The following NCL variants were observed in gnomAD, a reference collection of about 807,000 sequenced individuals.
NCL encodes the protein nucleolin multifunctional protein.
Under a neutral mutation model 77.7 loss-of-function variants are expected in NCL, and 4 were observed. The observed-to-expected ratio is 0.05, with a 90% CI of 0.03 to 0.12. NCL has a LOEUF of 0.12. Ranked by LOEUF, NCL falls within the 10% of genes least tolerant of loss-of-function variation. The pLI, the probability that NCL is intolerant of heterozygous loss-of-function variation, is 1.00. For missense variants in NCL, 763 were observed against 860.9 expected (o/e 0.89, Z 1.42); for synonymous variants, 344 against 297.8 (o/e 1.16, Z -1.60).
Position 231,458,984 on chromosome 2 carries a change from C to T in NCL, c.1165+17G>A, listed in dbSNP as rs376432300. The T allele has an allele frequency of 4.5e-6, 7 of 1,561,402 alleles. No homozygotes were observed. Among genetic ancestry groups the T allele is most frequent in the Admixed American group, 2.1e-5 (1 of 48,674 alleles). On this transcript the variant is annotated intron_variant, in intron 7 of 13. Transcript: ENST00000322723. ...AGCTCCTGAGTTCATTGCATAATCT[C>T]ATAAAGCCTTACATACCTTTCTTAC...
chr2:231,460,005 T>C, intron 6 of NCL, 147 bp downstream of exon 6: 1 of 940,446 alleles, frequency 1.1e-6, no homozygotes. Context: ...ATCTACAGTT[T>C]AATTCTAACT....
chr2:231,455,922 G>C, intron 12 of NCL, 88 bp downstream of exon 12: 1 of 1,592,094 alleles, frequency 6.3e-7, no homozygotes, highest in Non-Finnish European at 8.6e-7. Flanking sequence ...ACAGAAAGGA[G>C]CTCAATGAGA....
intron 7 of NCL, chr2:231,458,799 G>A (rs939857613): frequency 1.9e-6 from 1 of 532,514 alleles, no homozygotes; most frequent in Non-Finnish European, 3.0e-6. Flanking sequence ...CCTAACTCAG[G>A]AATTTACACT....
chr2:231,458,477 CTCTAT>C, intron 7 of NCL, 88 bp from the exon 8 acceptor site: 5 of 1,447,150 alleles, frequency 3.5e-6, no homozygotes, highest in Non-Finnish European at 4.7e-6. Flanking sequence ...ACACACATAG[CTCTAT>C]TCAACAAATA....
intron 1 of NCL, 65 bp from the exon 2 acceptor site, chr2:231,463,381 C>T (rs1184118202): frequency 2.0e-6 from 2 of 1,016,174 alleles, no homozygotes; most frequent in South Asian, 1.3e-5. Flanking sequence ...CATATTTTGC[C>T]ATTAGTGTTC....
Position 231,461,286 on chromosome 2 carries a change from TA to T in NCL, c.613+253del, listed in dbSNP as rs34075637. ...GCAAAAGCTCCATCTCAAAAAAATT[TA>T]AAAAAAAAAAAAATCACTTAGAAAC... On this transcript the variant is annotated intron_variant, in intron 3 of 13. Transcript: ENST00000322723. Among the ~76,000 whole-genome samples the T allele has an allele frequency of 6.7e-3, 964 of 144,280 alleles. 7 individuals carry two copies. The highest frequency in any genetic ancestry group is 0.018 in the African/African-American group (693 of 39,456). The allele number at this position is 144,280 out of a possible 152,430, so 94.7% of individuals were successfully genotyped here. A position where few individuals can be genotyped will look rare whatever the true frequency, so the allele number is the denominator to read the frequency against.
intron 6 of NCL, among the ~76,000 whole-genome samples, chr2:231,459,800 G>A (rs1172132260): frequency 1.3e-5 from 2 of 151,830 alleles, no homozygotes; most frequent in African/African-American, 2.4e-5. Context: ...CCAGCTACTT[G>A]GGAGGCTTAG....
chr2:231,458,030 A>C (rs2046907876), intron 8 of NCL, among the ~76,000 whole-genome samples: 1 of 152,218 alleles, frequency 6.6e-6, no homozygotes, highest in African/African-American at 2.4e-5. Flanking sequence ...CTACTTACAA[A>C]GTATTTATTG....
rs753803304 is a variant in NCL, at chr2:231,456,636, C to T, written c.1700G>A (p.Arg567Lys). The stretch of plus-strand genomic sequence containing the variant: ...CCCTAACCAGGTGAACTTACGGCTT[C>T]TGGCATTAGGTGATCCCCTGGGTCC... ...LQGPRGSPNA[R>K]SQPSKTLFVK... Residue 567 changes from arginine (R) to lysine (K), a missense_variant, in exon 11 of 14, where the codon AGA becomes AAA. Physicochemically the swap from Arg to Lys is conservative, Grantham distance 26. Around this residue, in one of 2 missense-constraint regions of NCL, gnomAD observed 173 missense variants for 290.4 expected, o/e 0.60. Transcript: ENST00000322723. The T allele has an allele frequency of 1.2e-6, 2 of 1,614,134 alleles. No individual in the cohort carries two copies. The highest frequency in any genetic ancestry group is 3.3e-5 in the Admixed American group (2 of 60,006).
chr2:231,462,980 A>C (rs6437018), intron 2 of NCL: 266,615 of 518,610 alleles, frequency 0.51, 70,546 homozygotes, highest in East Asian at 0.76. Context: ...CCTGCAGAGG[A>C]ACATGTAAAA....
At chr2:231,461,253 G>A (rs1007013074) in intron 3 of NCL, among the ~76,000 whole-genome samples, 5 of 151,028 alleles carry the variant, frequency 3.3e-5, no homozygotes, top group Admixed American at 6.6e-5. Context: ...ACTCCAGCCT[G>A]GGAAACAGCA....
At chr2:231,458,687 G>A (rs988818119) in intron 7 of NCL, 5 of 431,502 alleles carry the variant, frequency 1.2e-5, no homozygotes, top group African/African-American at 4.1e-5. Context: ...TGTATATAGG[G>A]AGTAATTAGG....
At chr2:231,458,940 GC>G (rs1486788661) in intron 7 of NCL, 60 bp downstream of exon 7, 31 of 1,426,074 alleles carry the variant, frequency 2.2e-5, no homozygotes, top group Non-Finnish European at 2.8e-5. Context: ...GGGTTACAAA[GC>G]ATTTTCCCTA....
At position 231,464,463 on chromosome 2, in the gene NCL, A is replaced by C; in HGVS notation, c.-110T>G. 1.4e-6 allele frequency: 2 copies of C among 1,436,178 alleles called. No homozygotes were observed. Among genetic ancestry groups the C allele is most frequent in the South Asian group, 1.2e-5 (1 of 81,916 alleles). 89.0% of individuals were successfully genotyped at this position (1,436,178 alleles called of 1,614,324 possible). A position where few individuals can be genotyped will look rare whatever the true frequency, so the allele number is the denominator to read the frequency against. On this transcript the variant is annotated 5_prime_UTR_variant, in exon 1 of 14. Transcript: ENST00000322723. Reference sequence around the variant, plus strand: ...AAGATCCCGGAGCACGTACACCCGAAGGCCAGCGAGAGCTCGAGACTGAGG... The same window carrying C: ...AAGATCCCGGAGCACGTACACCCGACGGCCAGCGAGAGCTCGAGACTGAGG...
rs993879866 is a variant in NCL, at chr2:231,457,194, A to G, written c.1448-70T>C. On this transcript the variant is annotated intron_variant, in intron 9 of 13. Coordinates refer to ENST00000322723, the MANE Select transcript of NCL (RefSeq NM_005381.3). ...TCCCAGCTTCGGTCACAACAGTAATATCTTATTCCTAAGAATTTCAGTGCT... is the reference window on the plus strand; with the variant it reads ...TCCCAGCTTCGGTCACAACAGTAATGTCTTATTCCTAAGAATTTCAGTGCT... 5 of 1,593,160 alleles carry G rather than the reference A, an allele frequency of 3.1e-6. No individual in the cohort carries two copies. The East Asian group carries it at 8.9e-5, about 28-fold the overall frequency.
chr2:231,458,965 T>C, intron 7 of NCL, 36 bp downstream of exon 7: 1 of 1,512,086 alleles, frequency 6.6e-7, no homozygotes, highest in African/African-American at 1.4e-5. Context: ...GTCTAGCTCC[T>C]GAGTTCATTG....
intron 9 of NCL, 33 bp from the exon 10 acceptor site, chr2:231,457,157 T>A: frequency 6.2e-7 from 1 of 1,612,420 alleles, no homozygotes; most frequent in South Asian, 1.1e-5. Context: ...CCTAAGACTC[T>A]GAAACAGTGG....
In NCL at chr2:231,456,127, T is replaced by C. The variant is rs2046885366; in HGVS notation, c.1715A>G (p.Lys572Arg). ...GSPNARSQPSKTLFVKGLSED... is the reference protein window; with the variant it reads ...GSPNARSQPSRTLFVKGLSED... ...AGACAGGCCTTTGACAAACAGAGTT[T>C]TGGATGGCTCTGGGAAGGAAAAAAA... The change falls in exon 12 of 14, where the codon AAA becomes AGA. Residue 572 changes from lysine (K) to arginine (R), a missense_variant. By Grantham distance (26) the Lys-to-Arg change is conservative. Transcript: ENST00000322723. 7.5e-6 allele frequency: 12 copies of C among 1,609,514 alleles called. No individual in the cohort carries two copies. Among genetic ancestry groups the C allele is most frequent in the African/African-American group, 1.4e-5 (1 of 72,910 alleles).
intron 1 of NCL, chr2:231,464,050 A>C: frequency 8.4e-7 from 1 of 1,192,588 alleles, no homozygotes; most frequent in Non-Finnish European, 1.1e-6. Flanking sequence ...CGCGTCGCAA[A>C]AGTTTGGTCT....
Sources: allele counts gnomAD v4.1 joint callset (sites outside exome capture counted in the v4.1 genomes callset), GRCh38; gene constraint gnomAD v4.1.1; regional missense constraint gnomAD v4.1.1; transcripts MANE v1.5; gene names NCBI Gene and HGNC (gene_info 2026-07-23, HGNC 2026-07-21).